The following PLD5 variants were observed in gnomAD, a reference collection of about 807,000 sequenced individuals.
PLD5 encodes phospholipase D family member 5.
In PLD5, 36 loss-of-function variants were observed where a neutral mutation model predicts 61.1. The observed-to-expected ratio is 0.59, with a 90% CI of 0.45 to 0.78. The LOEUF is 0.78. Ranked by LOEUF, PLD5 falls within the 30% of genes least tolerant of loss-of-function variation. The pLI, the probability that PLD5 is intolerant of heterozygous loss-of-function variation, is 0.00. For synonymous variants in PLD5, 243 were observed against 242.8 expected, an observed-to-expected ratio of 1.00 and a Z score of -0.01; for missense variants, 515 against 644.4, an observed-to-expected ratio of 0.80 and a Z score of 2.17.
chr1:242,529,802 CCT>C, the PLD5 span, among the ~76,000 whole-genome samples: 15 of 149,552 alleles, frequency 1.0e-4, no homozygotes, highest in East Asian at 2.0e-4. Flanking sequence ...TTCCTTCCTT[CCT>C]TCCTTCCTTC....
At chr1:242,490,735 A>G (rs1440196227) in intron 1 of PLD5, among the ~76,000 whole-genome samples, 1 of 152,144 alleles carries the variant, frequency 6.6e-6, no homozygotes, top group Non-Finnish European at 1.5e-5. Flanking sequence ...GAGGATTTCA[A>G]TATCTCTTTA....
intron 1 of PLD5, among the ~76,000 whole-genome samples, chr1:242,485,543 C>T (rs996206301): frequency 2.6e-5 from 4 of 152,086 alleles, no homozygotes; most frequent in Non-Finnish European, 5.9e-5. Flanking sequence ...AACTACAAAC[C>T]ACTGAACAAT....
upstream of PLD5, among the ~76,000 whole-genome samples, chr1:242,528,081 A>G (rs73148032): frequency 0.039 from 6,014 of 152,288 alleles, 400 homozygotes; most frequent in African/African-American, 0.14. Flanking sequence ...ACTTGGCAAC[A>G]TGTTTTTGCT....
At chr1:242,134,042 G>A (rs960632625) in intron 5 of PLD5, among the ~76,000 whole-genome samples, 1 of 152,172 alleles carries the variant, frequency 6.6e-6, no homozygotes, top group South Asian at 2.1e-4. Context: ...TCCAGTTTCA[G>A]TGGGTTGTAT....
At chr1:242,510,328 C>T (rs1368491771) in intron 1 of PLD5, among the ~76,000 whole-genome samples, 1 of 152,150 alleles carries the variant, frequency 6.6e-6, no homozygotes. Flanking sequence ...CAACAGACCA[C>T]TCATGCTGGA....
At chr1:242,274,508 A>T (rs1674298198) in intron 3 of PLD5, among the ~76,000 whole-genome samples, 1 of 152,194 alleles carries the variant, frequency 6.6e-6, no homozygotes. Context: ...TAATCCCAGC[A>T]TTTTGGGAGG....
At chr1:242,145,645 T>C (rs1241921706) in intron 5 of PLD5, among the ~76,000 whole-genome samples, 1 of 152,160 alleles carries the variant, frequency 6.6e-6, no homozygotes, top group Admixed American at 6.5e-5. Flanking sequence ...GACAGCAACA[T>C]GGCCCATCCA....
chr1:242,160,091 A>T (rs1257057411), intron 5 of PLD5, among the ~76,000 whole-genome samples: 1 of 151,958 alleles, frequency 6.6e-6, no homozygotes, highest in Non-Finnish European at 1.5e-5. Flanking sequence ...GGTTCACTGC[A>T]GCCTCAACCT....
At chr1:242,209,594 C>A (rs1669663219) in intron 5 of PLD5, among the ~76,000 whole-genome samples, 1 of 152,148 alleles carries the variant, frequency 6.6e-6, no homozygotes, top group Admixed American at 6.5e-5. Context: ...CAACCTGCAC[C>A]CGTCTAAGTT....
intron 1 of PLD5, among the ~76,000 whole-genome samples, chr1:242,483,143 G>GCATCA (rs1276436463): frequency 6.6e-6 from 1 of 152,144 alleles, no homozygotes; most frequent in Non-Finnish European, 1.5e-5. Context: ...GGAAGAAACT[G>GCATCA]CATCAACTAA....
chr1:242,211,143 A>G (rs1669793183), intron 5 of PLD5, among the ~76,000 whole-genome samples: 2 of 152,212 alleles, frequency 1.3e-5, no homozygotes, highest in African/African-American at 4.8e-5. Flanking sequence ...TTTTCAATGT[A>G]GACAAAACAA....
intron 2 of PLD5, among the ~76,000 whole-genome samples, chr1:242,338,759 G>T (rs1179054863): frequency 6.6e-6 from 1 of 152,136 alleles, no homozygotes; most frequent in Non-Finnish European, 1.5e-5. Flanking sequence ...AAATCCCATA[G>T]TTCAGGAAAT....
At chr1:242,323,234 G>A (rs976511036) in intron 2 of PLD5, among the ~76,000 whole-genome samples, 4 of 152,156 alleles carry the variant, frequency 2.6e-5, no homozygotes, top group African/African-American at 9.7e-5. Flanking sequence ...GGCCGTTGCT[G>A]ATATTTGTAT....
intron 1 of PLD5, among the ~76,000 whole-genome samples, chr1:242,426,176 C>T (rs974938831): frequency 6.6e-6 from 1 of 152,156 alleles, no homozygotes; most frequent in Non-Finnish European, 1.5e-5. Flanking sequence ...ATCAATGTCA[C>T]TGTCTTCCAC....
chr1:242,212,149 T>C (rs923549786), intron 5 of PLD5, among the ~76,000 whole-genome samples: 1 of 152,054 alleles, frequency 6.6e-6, no homozygotes, highest in Non-Finnish European at 1.5e-5. Flanking sequence ...TACCACCTCC[T>C]CTTCCCTCAG....
At chr1:242,432,538 G>A (rs189691453) in intron 1 of PLD5, among the ~76,000 whole-genome samples, 1 of 152,146 alleles carries the variant, frequency 6.6e-6, no homozygotes, top group Non-Finnish European at 1.5e-5. Flanking sequence ...TAAAGCTGGG[G>A]CTTAAAGCCA....
intron 1 of PLD5, among the ~76,000 whole-genome samples, chr1:242,381,351 A>G (rs1231171455): frequency 1.3e-5 from 2 of 152,054 alleles, no homozygotes; most frequent in Non-Finnish European, 2.9e-5. Flanking sequence ...TGAACGATAC[A>G]TGGACACAGG....
chr1:242,175,858 A>G (rs1036449144), intron 5 of PLD5, among the ~76,000 whole-genome samples: 1 of 151,302 alleles, frequency 6.6e-6, no homozygotes, highest in Non-Finnish European at 1.5e-5. Flanking sequence ...AATTGCTACT[A>G]ATGGAATAGA....
intron 1 of PLD5, among the ~76,000 whole-genome samples, chr1:242,454,053 G>T (rs907328988): frequency 6.6e-6 from 1 of 152,162 alleles, no homozygotes; most frequent in African/African-American, 2.4e-5. Context: ...CTTCAGGCTG[G>T]CTGCGGTGGC....
Sources: allele counts gnomAD v4.1 joint callset (sites outside exome capture counted in the v4.1 genomes callset), GRCh38; gene constraint gnomAD v4.1.1; transcripts MANE v1.5; gene names NCBI Gene and HGNC (gene_info 2026-07-23, HGNC 2026-07-21).